GRID1: variants seen among roughly 807,000 people sequenced by gnomAD.
GRID1 encodes the protein glutamate ionotropic receptor delta type subunit 1, also known as glutamate receptor ionotropic, delta-1.
GRID1 carries 28 observed loss-of-function variants against 98.0 expected under a neutral mutation model. The observed-to-expected ratio is 0.29, with a 90% CI of 0.21 to 0.39. GRID1 has a LOEUF of 0.39. Among genes scored for constraint, GRID1 ranks in the 10% least tolerant of loss-of-function variants. GRID1 has a pLI of 1.00. For synonymous variants in GRID1, 553 were observed against 538.5 expected, an observed-to-expected ratio of 1.03 and a Z score of -0.37; for missense variants, 1,111 against 1,340.5, an observed-to-expected ratio of 0.83 and a Z score of 2.67.
chr10:85,723,217 G>T, intron 11 of GRID1, 76 bp from the exon 12 acceptor site: 1 of 1,422,608 alleles, frequency 7.0e-7, no homozygotes, highest in Non-Finnish European at 9.5e-7. Flanking sequence ...GTTCTGCCCT[G>T]CAGCCAGGCA....
chr10:86,087,759 A>G (rs1429337650), intron 4 of GRID1, among the ~76,000 whole-genome samples: 1 of 152,174 alleles, frequency 6.6e-6, no homozygotes, highest in East Asian at 1.9e-4. Context: ...AGAAGCTCCC[A>G]TTCTCTACCA....
In GRID1 at chr10:86,128,723, C is replaced by A. The variant is rs564999466; in HGVS notation, c.726+10096G>T. On this transcript the variant is annotated intron_variant, in intron 4 of 15. Coordinates refer to ENST00000327946, the MANE Select transcript of GRID1 (RefSeq NM_017551.3). ...TCAAGCACTAGCACATCCCAAACTTCAGAATGTTGACCTTGCCCAGGGTCA... is the reference window on the plus strand; with the variant it reads ...TCAAGCACTAGCACATCCCAAACTTAAGAATGTTGACCTTGCCCAGGGTCA... Among the ~76,000 whole-genome samples, 3 of 152,316 alleles carry A rather than the reference C, an allele frequency of 2.0e-5. No homozygotes were observed. The East Asian group carries it at 5.8e-4, about 29-fold the overall frequency.
Position 85,949,387 on chromosome 10 carries a change from A to G in GRID1, c.727-33148T>C, listed in dbSNP as rs544452344. Among the ~76,000 whole-genome samples, 180 of 152,296 alleles carry G rather than the reference A, an allele frequency of 1.2e-3. 1 individual carries two copies. Among genetic ancestry groups the G allele is most frequent in the Middle Eastern group, 6.8e-3 (2 of 294 alleles). On this transcript the variant is annotated intron_variant, in intron 4 of 15. Coordinates refer to ENST00000327946, the MANE Select transcript of GRID1 (RefSeq NM_017551.3). ...ACAGAAATAAATCAGATTGTACATA[A>G]TATTGTATAATTTGCTTCTTTTTGT...
intron 4 of GRID1, among the ~76,000 whole-genome samples, chr10:85,930,114 GACTTGTAGTTATTTATAACTACAAATA>G: frequency 6.6e-6 from 1 of 151,552 alleles, no homozygotes; most frequent in Non-Finnish European, 1.5e-5. Flanking sequence ...CAATTGCTCT[GACTTGTAGTTATTTATAACTACAAATA>G]ACTTGCGGTT....
At chr10:85,974,648 T>G (rs1842448841) in intron 4 of GRID1, among the ~76,000 whole-genome samples, 2 of 152,234 alleles carry the variant, frequency 1.3e-5, no homozygotes, top group Admixed American at 6.5e-5. Flanking sequence ...TGGCAGGTTG[T>G]GCAGCACTAA....
intron 6 of GRID1, among the ~76,000 whole-genome samples, chr10:85,863,590 G>A (rs1843186481): frequency 1.3e-5 from 2 of 152,164 alleles, no homozygotes; most frequent in African/African-American, 4.8e-5. Context: ...TGAGTCCCTG[G>A]GAGCAGGATC....
chr10:85,835,378 T>C (rs1367434412), intron 8 of GRID1, among the ~76,000 whole-genome samples: 2 of 152,148 alleles, frequency 1.3e-5, no homozygotes, highest in Non-Finnish European at 2.9e-5. Flanking sequence ...ATGCCAAGGG[T>C]GGGGCCAGGT....
At chr10:85,932,402 G>T (rs1841867759) in intron 4 of GRID1, among the ~76,000 whole-genome samples, 1 of 152,132 alleles carries the variant, frequency 6.6e-6, no homozygotes, top group Non-Finnish European at 1.5e-5. Flanking sequence ...TTTTTGTAAA[G>T]ATGGAGTCTC....
At chr10:86,339,780 A>G (rs748169630) in intron 2 of GRID1, among the ~76,000 whole-genome samples, 7 of 152,238 alleles carry the variant, frequency 4.6e-5, no homozygotes, top group Non-Finnish European at 8.8e-5. Flanking sequence ...TGCAACCTGC[A>G]TTGATGGAAC....
intron 12 of GRID1, among the ~76,000 whole-genome samples, chr10:85,717,280 G>C (rs973234896): frequency 2.0e-5 from 3 of 151,304 alleles, no homozygotes; most frequent in African/African-American, 7.3e-5. Context: ...GTATTAGTTT[G>C]TTTTCATGCT....
intron 15 of GRID1, among the ~76,000 whole-genome samples, chr10:85,610,046 G>A (rs1468784199): frequency 6.6e-6 from 1 of 152,134 alleles, no homozygotes; most frequent in Non-Finnish European, 1.5e-5. Flanking sequence ...ACATCCTAGA[G>A]CAAGCCATTA....
At chr10:85,670,700 G>C (rs1841075242) in intron 12 of GRID1, among the ~76,000 whole-genome samples, 1 of 152,068 alleles carries the variant, frequency 6.6e-6, no homozygotes, top group South Asian at 2.1e-4. Context: ...AGCCCACAGG[G>C]TCCTCCATCT....
At chr10:86,313,906 T>A (rs927953509) in intron 2 of GRID1, among the ~76,000 whole-genome samples, 1 of 152,194 alleles carries the variant, frequency 6.6e-6, no homozygotes, top group Non-Finnish European at 1.5e-5. Context: ...AACCCCTGTA[T>A]TTCTTGCAAA....
intron 8 of GRID1, among the ~76,000 whole-genome samples, chr10:85,751,155 A>C (rs1842042286): frequency 6.6e-6 from 1 of 152,198 alleles, no homozygotes. Context: ...AATGTATAAG[A>C]ATCTAACTAA....
At chr10:85,655,661 C>A (rs1212010624) in intron 12 of GRID1, among the ~76,000 whole-genome samples, 1 of 152,164 alleles carries the variant, frequency 6.6e-6, no homozygotes, top group Non-Finnish European at 1.5e-5. Context: ...ACTTCCTCCT[C>A]CCACGCTCTC....
chr10:85,622,586 C>T (rs1441024921), intron 13 of GRID1, among the ~76,000 whole-genome samples: 1 of 152,028 alleles, frequency 6.6e-6, no homozygotes, highest in East Asian at 1.9e-4. Flanking sequence ...GTGGCTGGAT[C>T]CTGAATCTGT....
chr10:86,180,876 G>A (rs1414771028), intron 3 of GRID1, among the ~76,000 whole-genome samples: 1 of 152,228 alleles, frequency 6.6e-6, no homozygotes, highest in African/African-American at 2.4e-5. Flanking sequence ...TGCCAGACCA[G>A]AGAGGCCAAA....
intron 8 of GRID1, among the ~76,000 whole-genome samples, chr10:85,734,159 C>T (rs1430394515): frequency 6.6e-6 from 1 of 152,028 alleles, no homozygotes; most frequent in Admixed American, 6.6e-5. Flanking sequence ...GCTTTATCTC[C>T]TAGAGGGGGC....
chr10:86,000,046 C>A (rs537765605), intron 4 of GRID1, among the ~76,000 whole-genome samples: 2 of 152,322 alleles, frequency 1.3e-5, no homozygotes, highest in East Asian at 3.9e-4. Context: ...TCCCTATTCA[C>A]AACCAACAAT....
Sources: allele counts gnomAD v4.1 joint callset (sites outside exome capture counted in the v4.1 genomes callset), GRCh38; gene constraint gnomAD v4.1.1; transcripts MANE v1.5; gene names NCBI Gene and HGNC (gene_info 2026-07-23, HGNC 2026-07-21).